Variants in KCNK10 observed in about 807,000 individuals in gnomAD.
The protein encoded by KCNK10 is potassium two pore domain channel subfamily K member 10.
KCNK10 carries 25 observed loss-of-function variants against 47.7 expected under a neutral mutation model. That is an observed-to-expected ratio of 0.52 (90% CI 0.38 to 0.73). KCNK10 has a LOEUF of 0.73. KCNK10 is among the 30% of genes least tolerant of loss of function. The pLI is 0.00. For synonymous variants in KCNK10, 303 were observed against 285.6 expected (o/e 1.06, Z -0.61); for missense variants, 563 against 714.5 (o/e 0.79, Z 2.42).
At chr14:88,244,025 A>G (rs945512501) in intron 2 of KCNK10, among the ~76,000 whole-genome samples, 1 of 152,056 alleles carries the variant, frequency 6.6e-6, no homozygotes, top group African/African-American at 2.4e-5. Context: ...GATCTGAACT[A>G]ACTCCTTGAG....
At chr14:88,313,808 T>C (rs942202913) in intron 1 of KCNK10, among the ~76,000 whole-genome samples, 4 of 152,242 alleles carry the variant, frequency 2.6e-5, no homozygotes, top group African/African-American at 7.2e-5. Flanking sequence ...TTGGGGTTAT[T>C]TGTTACACAA....
chr14:88,263,117 G>A, intron 2 of KCNK10, 85 bp downstream of exon 2: 1 of 1,119,572 alleles, frequency 8.9e-7, no homozygotes, highest in Non-Finnish European at 1.3e-6. Flanking sequence ...CTCAACTGAA[G>A]GCAAGACTAG....
intron 4 of KCNK10, among the ~76,000 whole-genome samples, chr14:88,199,542 G>T (rs1200882167): frequency 6.6e-6 from 1 of 152,120 alleles, no homozygotes; most frequent in East Asian, 1.9e-4. Context: ...GCAGTGTTAG[G>T]GTTCTCATGT....
At chr14:88,290,108 C>T (rs992646999) in intron 1 of KCNK10, among the ~76,000 whole-genome samples, 8 of 152,102 alleles carry the variant, frequency 5.3e-5, no homozygotes, top group East Asian at 1.9e-4. Flanking sequence ...CTACTTTACA[C>T]GACAAAGGGA....
Position 88,322,659 on chromosome 14 carries a change from C to A in KCNK10, c.52+88G>T. 1 of 1,560,736 alleles carries A rather than the reference C, an allele frequency of 6.4e-7. No homozygotes were observed. The highest frequency in any genetic ancestry group is 1.1e-5 in the South Asian group (1 of 89,644). ...TTCCCAGCCTCAGGACACACGCTGCCAGAAGCAAGAGTGCTTCCACTCAAG... is the reference window on the plus strand; with the variant it reads ...TTCCCAGCCTCAGGACACACGCTGCAAGAAGCAAGAGTGCTTCCACTCAAG... On this transcript the variant is annotated intron_variant, in intron 1 of 6. Coordinates refer to ENST00000319231, the MANE Select transcript of KCNK10 (RefSeq NM_138317.3). The surrounding 1 kb of genome is among the most constrained non-coding windows in gnomAD (Gnocchi z 4.8).
chr14:88,283,467 G>A (rs537205548), intron 1 of KCNK10, among the ~76,000 whole-genome samples: 12 of 152,220 alleles, frequency 7.9e-5, no homozygotes, highest in South Asian at 2.1e-4. Flanking sequence ...TAATGATACC[G>A]ATACAGCTTA....
intron 1 of KCNK10, among the ~76,000 whole-genome samples, chr14:88,277,460 G>T (rs373991814): frequency 6.6e-6 from 1 of 152,194 alleles, no homozygotes; most frequent in African/African-American, 2.4e-5. Context: ...GGGAGTGGGC[G>T]CAGGTTAGAG....
intron 4 of KCNK10, among the ~76,000 whole-genome samples, chr14:88,207,003 A>T (rs1595080624): frequency 6.6e-6 from 1 of 152,306 alleles, no homozygotes; most frequent in Non-Finnish European, 1.5e-5. Context: ...CTGATGAGGT[A>T]AAAGTGTCTG....
chr14:88,265,105 T>C (rs985442064), intron 1 of KCNK10, among the ~76,000 whole-genome samples: 1 of 152,202 alleles, frequency 6.6e-6, no homozygotes, highest in African/African-American at 2.4e-5. Flanking sequence ...GCCAGAAATC[T>C]CATATTAAAT....
chr14:88,242,604 T>G (rs1886513290), intron 2 of KCNK10, among the ~76,000 whole-genome samples: 1 of 152,152 alleles, frequency 6.6e-6, no homozygotes, highest in Non-Finnish European at 1.5e-5. Context: ...ACCCTAGAAT[T>G]TAAAATCTGG....
chr14:88,287,930 T>G (rs1393734706), intron 1 of KCNK10, among the ~76,000 whole-genome samples: 1 of 152,176 alleles, frequency 6.6e-6, no homozygotes, highest in Non-Finnish European at 1.5e-5. Flanking sequence ...ATCTCCACAC[T>G]GTTTTCCATA....
chr14:88,314,852 A>C (rs768727853), intron 1 of KCNK10, among the ~76,000 whole-genome samples: 4 of 152,232 alleles, frequency 2.6e-5, no homozygotes, highest in Admixed American at 1.3e-4. Context: ...ATAACAAACC[A>C]AAGAAGTAAT....
At chr14:88,297,597 C>T (rs1037813717) in intron 1 of KCNK10, among the ~76,000 whole-genome samples, 14 of 152,166 alleles carry the variant, frequency 9.2e-5, no homozygotes, top group Admixed American at 2.6e-4. Flanking sequence ...AATTGTCTGT[C>T]GACTTCCAGC....
At chr14:88,271,901 T>C (rs548208171) in intron 1 of KCNK10, among the ~76,000 whole-genome samples, 17 of 151,798 alleles carry the variant, frequency 1.1e-4, no homozygotes, top group African/African-American at 3.9e-4. Context: ...AAATCTCTTC[T>C]TGTATTTATA....
At chr14:88,291,363 A>G (rs1566716196) in intron 1 of KCNK10, among the ~76,000 whole-genome samples, 1 of 152,218 alleles carries the variant, frequency 6.6e-6, no homozygotes, top group African/African-American at 2.4e-5. Context: ...CTTGGGGTTT[A>G]TACTGAGATC....
At chr14:88,304,236 G>T (rs1021811904) in intron 1 of KCNK10, among the ~76,000 whole-genome samples, 2 of 151,946 alleles carry the variant, frequency 1.3e-5, no homozygotes, top group African/African-American at 4.8e-5. Context: ...GATCACTTGA[G>T]CCCAGGAGTT....
intron 1 of KCNK10, among the ~76,000 whole-genome samples, chr14:88,265,016 G>A (rs565372566): frequency 1.3e-5 from 2 of 152,234 alleles, no homozygotes; most frequent in South Asian, 2.1e-4. Context: ...CCTCATCCAG[G>A]CCACTGTCAC....
At position 88,182,854 on chromosome 14, in the gene KCNK10, G is replaced by C. The variant is rs553734218; in HGVS notation, c.*2681C>G. ...AAGTTAGCAAGTAAAGTGCAAAAGA[G>C]TGCTTTCAAAGGGCATTTTTTAAAG... On this transcript the variant is annotated 3_prime_UTR_variant, in exon 7 of 7. Transcript: ENST00000319231. 2 of 152,336 alleles carry C rather than the reference G, an allele frequency of 1.3e-5. No homozygotes were observed. The highest frequency in any genetic ancestry group is 2.9e-5 in the Non-Finnish European group (2 of 68,038). 9.4% of individuals were successfully genotyped at this position (152,336 alleles called of 1,614,324 possible).
chr14:88,202,072 T>A (rs1002700937), intron 4 of KCNK10, among the ~76,000 whole-genome samples: 2 of 152,232 alleles, frequency 1.3e-5, no homozygotes, highest in Non-Finnish European at 2.9e-5. Flanking sequence ...TTTGAACAGT[T>A]CTTCTCAGAG....
Sources: allele counts gnomAD v4.1 joint callset (sites outside exome capture counted in the v4.1 genomes callset), GRCh38; gene constraint gnomAD v4.1.1; non-coding constraint Gnocchi (gnomAD v3.1); transcripts MANE v1.5; gene names NCBI Gene and HGNC (gene_info 2026-07-23, HGNC 2026-07-21).